The following GRHL2 variants were observed in gnomAD, a reference collection of about 807,000 sequenced individuals.
The protein encoded by GRHL2 is grainyhead like transcription factor 2, also known as grainyhead-like protein 2 homolog.
Under a neutral mutation model 83.8 loss-of-function variants are expected in GRHL2, and 21 were observed. That is an observed-to-expected ratio of 0.25 (90% confidence interval 0.18 to 0.36). The LOEUF (loss-of-function observed/expected upper bound fraction) is 0.36. GRHL2 is among the 10% of genes least tolerant of loss of function. GRHL2 has a pLI of 1.00. For synonymous variants in GRHL2, 280 were observed against 278.9 expected, an observed-to-expected ratio of 1.00 and a Z score of -0.04; for missense variants, 623 against 781.8, an observed-to-expected ratio of 0.80 and a Z score of 2.42.
chr8:101,656,317 C>T (rs1813785068), intron 14 of GRHL2, among the ~76,000 whole-genome samples: 1 of 152,210 alleles, frequency 6.6e-6, no homozygotes, highest in African/African-American at 2.4e-5. Flanking sequence ...GTGATCTTCA[C>T]ATGCCCTGCT....
intron 9 of GRHL2, among the ~76,000 whole-genome samples, chr8:101,623,248 A>G (rs984754785): frequency 6.6e-6 from 1 of 152,254 alleles, no homozygotes; most frequent in Non-Finnish European, 1.5e-5. Flanking sequence ...GTTAATGCCA[A>G]TCTTCCAGCC....
chr8:101,520,267 T>A (rs1426243333), intron 1 of GRHL2, among the ~76,000 whole-genome samples: 1 of 152,222 alleles, frequency 6.6e-6, no homozygotes, highest in Non-Finnish European at 1.5e-5. Flanking sequence ...ATAGACTGAT[T>A]CACGTAGTAT....
At chr8:101,514,476 G>T (rs1168719455) in intron 1 of GRHL2, among the ~76,000 whole-genome samples, 1 of 152,220 alleles carries the variant, frequency 6.6e-6, no homozygotes, top group Non-Finnish European at 1.5e-5. Context: ...AAGGGCTGGA[G>T]AGGTACCCAG....
chr8:101,534,159 A>C, intron 1 of GRHL2, among the ~76,000 whole-genome samples: 1 of 152,204 alleles, frequency 6.6e-6, no homozygotes, highest in South Asian at 2.1e-4. Context: ...CTTAGCAGCT[A>C]AACTAGCATA....
At chr8:101,618,255 C>T (rs905761273) in intron 8 of GRHL2, among the ~76,000 whole-genome samples, 2 of 152,074 alleles carry the variant, frequency 1.3e-5, no homozygotes, top group African/African-American at 2.4e-5. Context: ...TACACTCCTC[C>T]CTCTCTTCTT....
downstream of GRHL2, among the ~76,000 whole-genome samples, chr8:101,674,624 GA>G (rs1161606584): frequency 2.6e-5 from 4 of 152,160 alleles, no homozygotes; most frequent in African/African-American, 9.7e-5. Flanking sequence ...AATTCTACCA[GA>G]GGTAAAAGGA....
intron 7 of GRHL2, among the ~76,000 whole-genome samples, chr8:101,588,245 A>C (rs1008404602): frequency 6.6e-6 from 1 of 152,226 alleles, no homozygotes; most frequent in Non-Finnish European, 1.5e-5. Flanking sequence ...TGTGGACTCA[A>C]GTCCACTCAC....
At chr8:101,650,810 A>G (rs1029700353) in intron 14 of GRHL2, among the ~76,000 whole-genome samples, 8 of 144,988 alleles carry the variant, frequency 5.5e-5, no homozygotes, top group African/African-American at 8.6e-5. Flanking sequence ...TGTGATATCT[A>G]TCTATCTATC....
Position 101,638,251 on chromosome 8 carries a change from T to A in GRHL2, c.1517+1323T>A, listed in dbSNP as rs115420604. On this transcript the variant is annotated intron_variant, in intron 12 of 15. Transcript: ENST00000646743. ...CACAGTTGGCAAATTGGAGCAGATA[T>A]TGCTGAGTTTATTCCTAGAGCAGAG... is the stretch of plus-strand genomic sequence containing the variant. 8.4e-3 allele frequency among the ~76,000 whole-genome samples: 1,273 copies of A among 152,320 alleles called. 24 individuals are homozygous for A. Among genetic ancestry groups the A allele is most frequent in the African/African-American group, 0.029 (1,221 of 41,554 alleles).
chr8:101,593,752 A>G (rs1003717120), intron 7 of GRHL2, among the ~76,000 whole-genome samples: 2 of 152,152 alleles, frequency 1.3e-5, no homozygotes, highest in Non-Finnish European at 2.9e-5. Context: ...CCCTACATCC[A>G]ATGACAAATC....
At chr8:101,509,157 C>T (rs6150731) in intron 1 of GRHL2, among the ~76,000 whole-genome samples, 2,309 of 27,146 alleles carry the variant, frequency 0.085, 112 homozygotes, top group South Asian at 0.12. Flanking sequence ...TTCCTTCCTT[C>T]CTTTCTTTCT....
intron 1 of GRHL2, among the ~76,000 whole-genome samples, chr8:101,532,353 G>A (rs1810945577): frequency 6.6e-6 from 1 of 152,132 alleles, no homozygotes; most frequent in South Asian, 2.1e-4. Flanking sequence ...TTTTCTGCTA[G>A]GGAGATGAAG....
At chr8:101,620,911 G>C (rs1249640516) in intron 9 of GRHL2, among the ~76,000 whole-genome samples, 2 of 146,904 alleles carry the variant, frequency 1.4e-5, no homozygotes, top group East Asian at 4.0e-4. Context: ...TCCCTTCTAA[G>C]ACAAAATCCT....
At chr8:101,528,734 C>T in intron 1 of GRHL2, 1 of 261,854 alleles carries the variant, frequency 3.8e-6, no homozygotes, top group Non-Finnish European at 7.7e-6. Flanking sequence ...CTTCTGGTTC[C>T]AGCTGAACCA....
downstream of GRHL2, among the ~76,000 whole-genome samples, chr8:101,672,975 A>G (rs1257489517): frequency 2.6e-5 from 4 of 151,572 alleles, no homozygotes; most frequent in Admixed American, 2.6e-4. Context: ...TGAAGGAGAA[A>G]TAAAATACTT....
rs774168395 is a variant in GRHL2, at chr8:101,644,223, G to A, written c.1610G>A (p.Arg537Gln). Residue 537 changes from arginine (R) to glutamine (Q), a missense_variant and splice_region_variant, in exon 13 of 16, where the codon CGA becomes CAA. Arg to Gln is a conservative substitution (Grantham distance 43). Transcript: ENST00000646743. ...CAGATGAAAGAAGAAGGGACAAAGCGAGGTATCTCTCCTGCTGGGGCATGC... is the reference window on the plus strand; with the variant it reads ...CAGATGAAAGAAGAAGGGACAAAGCAAGGTATCTCTCCTGCTGGGGCATGC... Reference protein sequence around the residue: ...SKQMKEEGTKRVLLYVRKETD... With the variant: ...SKQMKEEGTKQVLLYVRKETD... 8 of 1,612,308 alleles carry A rather than the reference G, an allele frequency of 5.0e-6. No homozygotes were observed. Among genetic ancestry groups the A allele is most frequent in the East Asian group, 4.5e-5 (2 of 44,822 alleles).
At chr8:101,638,962 G>A (rs1813343919) in intron 12 of GRHL2, among the ~76,000 whole-genome samples, 1 of 152,158 alleles carries the variant, frequency 6.6e-6, no homozygotes. Context: ...TCCTTAATTT[G>A]ACATTGAGCA....
intron 12 of GRHL2, among the ~76,000 whole-genome samples, chr8:101,640,166 G>A (rs897802778): frequency 5.3e-5 from 8 of 152,272 alleles, no homozygotes; most frequent in African/African-American, 9.6e-5. Context: ...TTTGAATCTG[G>A]TTTTGATCTT....
At chr8:101,648,539 G>A (rs75120877) in intron 13 of GRHL2, among the ~76,000 whole-genome samples, 3,640 of 152,194 alleles carry the variant, frequency 0.024, 92 homozygotes, top group South Asian at 0.11. Context: ...GTAGCTCTGC[G>A]AGGCAGATGT....
Sources: allele counts gnomAD v4.1 joint callset (sites outside exome capture counted in the v4.1 genomes callset), GRCh38; gene constraint gnomAD v4.1.1; transcripts MANE v1.5; gene names NCBI Gene and HGNC (gene_info 2026-07-23, HGNC 2026-07-21).